Variants in TSC22D1 observed in about 807,000 individuals in gnomAD.
TSC22D1 encodes TSC22 domain family member 1.
TSC22D1 carries 9 observed loss-of-function variants against 74.2 expected under a neutral mutation model. The observed-to-expected ratio is 0.12, with a 90% CI of 0.07 to 0.21. The LOEUF is 0.21. Among genes scored for constraint, TSC22D1 ranks in the 10% least tolerant of loss-of-function variants. The pLI is 1.00. For synonymous variants in TSC22D1, 586 were observed against 492.5 expected, an observed-to-expected ratio of 1.19 and a Z score of -2.51; for missense variants, 1,427 against 1,304.7, an observed-to-expected ratio of 1.09 and a Z score of -1.44.
At chr13:44,538,718 G>A (rs1206922902) in intron 1 of TSC22D1, 1 of 985,216 alleles carries the variant, frequency 1.0e-6, no homozygotes, top group Non-Finnish European at 1.2e-6. Context: ...TAAATGACAA[G>A]ATCAGGTGGC....
At chr13:44,468,052 C>A (rs1264369359) in intron 1 of TSC22D1, among the ~76,000 whole-genome samples, 2 of 151,730 alleles carry the variant, frequency 1.3e-5, no homozygotes, top group South Asian at 2.1e-4. Flanking sequence ...CATATAAGAA[C>A]AAAATAATAT....
chr13:44,549,248 G>T (rs1480446325), intron 1 of TSC22D1, among the ~76,000 whole-genome samples: 2 of 152,160 alleles, frequency 1.3e-5, no homozygotes, highest in Non-Finnish European at 2.9e-5. Flanking sequence ...ATCTGCAGAA[G>T]CAATCAACAT....
intron 1 of TSC22D1, among the ~76,000 whole-genome samples, chr13:44,571,557 T>C (rs1883767276): frequency 6.6e-6 from 1 of 152,222 alleles, no homozygotes; most frequent in Non-Finnish European, 1.5e-5. Flanking sequence ...TACCCGTCTT[T>C]TGTTTCTCTA....
intron 1 of TSC22D1, among the ~76,000 whole-genome samples, chr13:44,545,066 T>G (rs751513728): frequency 9.2e-5 from 14 of 152,192 alleles, no homozygotes; most frequent in Non-Finnish European, 1.8e-4. Flanking sequence ...CAGGGCACAG[T>G]GGCTCACGCC....
upstream of TSC22D1, chr13:44,576,332 C>T (rs1219291350): frequency 6.1e-6 from 3 of 489,832 alleles, no homozygotes; most frequent in African/African-American, 2.0e-5. Flanking sequence ...ATTCACTTTC[C>T]CCTCTAGCCT....
chr13:44,448,935 GAAT>G (rs770148427), intron 1 of TSC22D1, among the ~76,000 whole-genome samples: 1 of 151,888 alleles, frequency 6.6e-6, no homozygotes, highest in Non-Finnish European at 1.5e-5. Flanking sequence ...AGACCTGGAA[GAAT>G]AAAGGGACCA....
In TSC22D1 at chr13:44,434,279, G is replaced by A. The variant is rs747327003; in HGVS notation, c.*347C>T. On this transcript the variant is annotated 3_prime_UTR_variant, in exon 3 of 3. Coordinates refer to ENST00000458659, the MANE Select transcript of TSC22D1 (RefSeq NM_183422.4). ...TGTAGGACACTAAGCGCAAGCAGGAGAGAGAACCCTTGGAAGTGAGGGGTA... is the reference window on the plus strand; with the variant it reads ...TGTAGGACACTAAGCGCAAGCAGGAAAGAGAACCCTTGGAAGTGAGGGGTA... 245 of 1,387,058 alleles carry A rather than the reference G, an allele frequency of 1.8e-4. No individual in the cohort carries two copies. The highest frequency in any genetic ancestry group is 2.2e-4 in the Non-Finnish European group (236 of 1,081,630). 85.9% of individuals were successfully genotyped at this position (1,387,058 alleles called of 1,614,324 possible).
intron 1 of TSC22D1, chr13:44,436,979 C>A: frequency 1.0e-6 from 1 of 998,556 alleles, no homozygotes; most frequent in Non-Finnish European, 1.2e-6. Flanking sequence ...TTCCCCGCCT[C>A]CCCCCACCCC....
chr13:44,451,910 A>G (rs1219255664), intron 1 of TSC22D1, among the ~76,000 whole-genome samples: 1 of 152,178 alleles, frequency 6.6e-6, no homozygotes, highest in Non-Finnish European at 1.5e-5. Flanking sequence ...AGAGGACTGC[A>G]AACTCACCAA....
intron 1 of TSC22D1, among the ~76,000 whole-genome samples, chr13:44,476,973 T>TTTTG (rs369814239): frequency 2.0e-5 from 3 of 151,726 alleles, no homozygotes; most frequent in Admixed American, 6.6e-5. Flanking sequence ...CTGGCCTGTT[T>TTTTG]TTTGTTTGTT....
intron 1 of TSC22D1, among the ~76,000 whole-genome samples, chr13:44,528,627 A>G (rs1333902385): frequency 6.6e-6 from 1 of 152,070 alleles, no homozygotes; most frequent in Non-Finnish European, 1.5e-5. Context: ...GAAGAGCAAT[A>G]TAAATCTAAA....
chr13:44,575,460 T>C lies in TSC22D1; in HGVS notation c.615A>G (p.Pro205=), dbSNP rs969153275. The C allele has an allele frequency of 6.9e-5, 112 of 1,614,094 alleles. No individual in the cohort carries two copies. The highest frequency in any genetic ancestry group is 1.6e-4 in the Middle Eastern group (1 of 6,062). ...HLPQPHLPHL[P]QQNVVINGNA... ...TCCCATTGATCACAACATTCTGTTG[T>C]GGAAGGTGAGGCAAATGAGGCTGAG... The change falls in exon 1 of 3, where the codon CCA becomes CCG. Residue 205 remains proline, a synonymous_variant. Transcript: ENST00000458659.
rs778590952 is a variant in TSC22D1, at chr13:44,575,182, G to A, written c.893C>T (p.Thr298Ile). The change falls in exon 1 of 3, where the codon ACT becomes ATT. Residue 298 changes from threonine (T) to isoleucine (I), a missense_variant. Around this residue, in one of 3 missense-constraint regions of TSC22D1, gnomAD observed 1,343 missense variants for 1,191.5 expected, o/e 1.13. Transcript: ENST00000458659. The part of the protein sequence containing the change: ...SVMTNMRAPS[T>I]TGGIGINSVT... ...AGAATTTATACCTATTCCACCTGTA[G>A]TACTTGGAGCACGCATATTAGTCAT... 6.2e-5 allele frequency: 100 copies of A among 1,613,942 alleles called. No homozygotes were observed. Among genetic ancestry groups the A allele is most frequent in the Non-Finnish European group, 8.1e-5 (96 of 1,180,040 alleles).
rs565375370 is a variant in TSC22D1, at chr13:44,437,228, C to G, written c.2913-1133G>C. 1.7e-4 allele frequency: 163 copies of G among 985,542 alleles called. No individual in the cohort carries two copies. The African/African-American group carries it at 2.7e-3, about 17-fold the overall frequency. The allele number at this position is 985,542 out of a possible 1,614,324, so 61.0% of individuals were successfully genotyped here. ...GGAGCTGTGTCCCGCGGCTGCTTAA[C>G]GGCGAAAGCTTCCTATTTGTAACCC... On this transcript the variant is annotated intron_variant, in intron 1 of 2. Transcript: ENST00000458659.
chr13:44,526,409 T>C (rs1880549138), intron 1 of TSC22D1, among the ~76,000 whole-genome samples: 2 of 151,328 alleles, frequency 1.3e-5, no homozygotes, highest in South Asian at 4.2e-4. Context: ...TACCAGATCA[T>C]CTGCACATGG....
intron 1 of TSC22D1, among the ~76,000 whole-genome samples, chr13:44,438,723 A>T (rs1243580294): frequency 6.6e-6 from 1 of 151,626 alleles, no homozygotes; most frequent in Non-Finnish European, 1.5e-5. Context: ...TTCCAACAAA[A>T]GGAGACTAAG....
chr13:44,494,017 G>A (rs953885725), intron 1 of TSC22D1, among the ~76,000 whole-genome samples: 2 of 152,056 alleles, frequency 1.3e-5, no homozygotes, highest in Admixed American at 6.6e-5. Flanking sequence ...GATTGCTTAC[G>A]TCCAGGAGTT....
intron 1 of TSC22D1, among the ~76,000 whole-genome samples, chr13:44,557,622 TAATA>T (rs1265939376): frequency 1.1e-4 from 16 of 152,222 alleles, no homozygotes; most frequent in African/African-American, 3.9e-4. Flanking sequence ...CTTGTTCCAA[TAATA>T]AATATGATGT....
chr13:44,517,409 C>A (rs1880048280), intron 1 of TSC22D1, among the ~76,000 whole-genome samples: 1 of 151,572 alleles, frequency 6.6e-6, no homozygotes, highest in East Asian at 1.9e-4. Context: ...AAAAAATAAA[C>A]AGTAAGCATA....
Sources: gnomAD v4.1 joint callset for allele counts (sites outside exome capture counted in the v4.1 genomes callset) on GRCh38, gnomAD v4.1.1 for gene constraint, gnomAD v4.1.1 regional missense constraint, MANE v1.5 for transcripts, NCBI Gene and HGNC (gene_info 2026-07-23, HGNC 2026-07-21) for gene names.